LIPK: variants seen among roughly 807,000 people sequenced by gnomAD.
LIPK encodes lipase family member K, also known as lipase member K.
LIPK carries 32 observed loss-of-function variants against 48.6 expected under a neutral mutation model. The observed-to-expected ratio is 0.66, with a 90% CI of 0.50 to 0.88. LIPK has a LOEUF of 0.88. LIPK is among the 40% of genes least tolerant of loss of function. LIPK has a pLI of 0.00. For synonymous variants in LIPK, 164 were observed against 157.4 expected, an observed-to-expected ratio of 1.04 and a Z score of -0.32; for missense variants, 507 against 478.5, an observed-to-expected ratio of 1.06 and a Z score of -0.56.
At chr10:88,729,503 C>T (rs1228239667) in intron 3 of LIPK, among the ~76,000 whole-genome samples, 1 of 152,174 alleles carries the variant, frequency 6.6e-6, no homozygotes, top group East Asian at 1.9e-4. Context: ...TTTGTAAATA[C>T]TCAAGAGAAC....
intron 8 of LIPK, among the ~76,000 whole-genome samples, chr10:88,742,155 C>T (rs1327140711): frequency 1.3e-5 from 2 of 152,120 alleles, no homozygotes; most frequent in African/African-American, 4.8e-5. Flanking sequence ...AGGGGAAGTC[C>T]GCCCCCATGA....
At chr10:88,713,797 C>T (rs1842066391) in intron 1 of LIPK, among the ~76,000 whole-genome samples, 1 of 151,608 alleles carries the variant, frequency 6.6e-6, no homozygotes, top group Non-Finnish European at 1.5e-5. Flanking sequence ...AAAAATTAGC[C>T]AGGCGCAGTG....
intron 4 of LIPK, among the ~76,000 whole-genome samples, chr10:88,731,641 A>G (rs1842470465): frequency 6.6e-6 from 1 of 152,192 alleles, no homozygotes; most frequent in Non-Finnish European, 1.5e-5. Context: ...CTTTCTGGAA[A>G]CCACTGGGAT....
chr10:88,717,604 T>C (rs1172865166), intron 1 of LIPK, among the ~76,000 whole-genome samples: 1 of 152,158 alleles, frequency 6.6e-6, no homozygotes, highest in African/African-American at 2.4e-5. Flanking sequence ...TAATTGTGCA[T>C]TGTGATAGAG....
At chr10:88,733,737 A>T (rs1842514899) in intron 6 of LIPK, among the ~76,000 whole-genome samples, 1 of 152,222 alleles carries the variant, frequency 6.6e-6, no homozygotes, top group South Asian at 2.1e-4. Context: ...TCATTTGCAC[A>T]GCTCTCTTCA....
In LIPK at chr10:88,737,729, G is replaced by A. The variant is rs562671234; in HGVS notation, c.764G>A (p.Cys255Tyr). ...VCNRKLFRRI[C>Y]SNFLFTLSGF... is the part of the protein sequence containing the mutation. ...AATCGAAAGCTATTCCGTCGTATTTGCAGCAACTTCCTATTTACTCTGAGT... is the reference window on the plus strand; with the variant it reads ...AATCGAAAGCTATTCCGTCGTATTTACAGCAACTTCCTATTTACTCTGAGT... Residue 255 changes from cysteine to tyrosine, a missense_variant, in exon 7 of 10, where the codon TGC (cysteine) becomes TAC (tyrosine). Physicochemically the swap from Cys to Tyr is radical, Grantham distance 194. Coordinates refer to ENST00000404190, the MANE Select transcript of LIPK (RefSeq NM_001080518.2). The A allele has an allele frequency of 2.4e-5, 38 of 1,613,750 alleles. No individual in the cohort carries two copies. The highest frequency in any genetic ancestry group is 3.3e-5 in the Admixed American group (2 of 60,000).
intron 1 of LIPK, among the ~76,000 whole-genome samples, chr10:88,712,229 T>C (rs1842039384): frequency 6.6e-6 from 1 of 152,216 alleles, no homozygotes; most frequent in Non-Finnish European, 1.5e-5. Context: ...TTTGTTAGCA[T>C]AGCAAGTGTA....
intron 4 of LIPK, 140 bp downstream of exon 4, chr10:88,731,321 C>G: frequency 1.4e-6 from 1 of 705,630 alleles, no homozygotes; most frequent in East Asian, 3.1e-5. Flanking sequence ...CTTTCTCTAC[C>G]CAAACTTTCT....
chr10:88,715,501 T>C (rs896819374), intron 1 of LIPK, among the ~76,000 whole-genome samples: 2 of 152,138 alleles, frequency 1.3e-5, no homozygotes, highest in African/African-American at 4.8e-5. Context: ...TTATTTCTTT[T>C]ACTTTCAACC....
intron 1 of LIPK, among the ~76,000 whole-genome samples, chr10:88,721,681 G>A (rs1842227782): frequency 1.3e-5 from 2 of 152,072 alleles, no homozygotes; most frequent in African/African-American, 2.4e-5. Flanking sequence ...TTACAACACC[G>A]ACAGGATTAG....
intron 1 of LIPK, among the ~76,000 whole-genome samples, chr10:88,719,323 C>T (rs894592369): frequency 2.0e-5 from 3 of 152,158 alleles, no homozygotes; most frequent in Non-Finnish European, 2.9e-5. Flanking sequence ...AATCACACAA[C>T]TAATAATAAA....
intron 1 of LIPK, among the ~76,000 whole-genome samples, chr10:88,721,104 T>C (rs1008718422): frequency 2.9e-4 from 21 of 71,760 alleles, no homozygotes; most frequent in Admixed American, 7.8e-4. Flanking sequence ...AATATCTTTA[T>C]ATTTCTTAGT....
intron 5 of LIPK, 34 bp downstream of exon 5, chr10:88,732,321 A>G (rs759761146): frequency 6.3e-7 from 1 of 1,597,448 alleles, no homozygotes; most frequent in African/African-American, 1.3e-5. Context: ...AGAGAATGTC[A>G]GGGGCTCTTC....
Position 88,752,689 on chromosome 10 carries a change from G to C in LIPK, c.1133G>C (p.Gly378Ala), listed in dbSNP as rs1199010031. Reference sequence around the variant, plus strand: ...TACAATCATGTGGATTTTTACCTTGGAGAGGATGCACCTCAGGAAATTTAC... The same window carrying C: ...TACAATCATGTGGATTTTTACCTTGCAGAGGATGCACCTCAGGAAATTTAC... ...PHYNHVDFYLGEDAPQEIYQD... is the reference protein window; with the variant it reads ...PHYNHVDFYLAEDAPQEIYQD... Residue 378 changes from glycine (G) to alanine (A), a missense_variant, in exon 10 of 10, where the codon GGA becomes GCA. By Grantham distance (60) the Gly-to-Ala change is moderately conservative (BLOSUM62 0). Coordinates refer to ENST00000404190, the MANE Select transcript of LIPK (RefSeq NM_001080518.2). The C allele has an allele frequency of 1.3e-6, 2 of 1,576,608 alleles. No homozygotes were observed. The highest frequency in any genetic ancestry group is 1.2e-5 in the South Asian group (1 of 86,084).
At chr10:88,746,806 C>T (rs964511012) in intron 9 of LIPK, among the ~76,000 whole-genome samples, 3 of 151,994 alleles carry the variant, frequency 2.0e-5, no homozygotes, top group African/African-American at 7.3e-5. Flanking sequence ...AAGAAACATA[C>T]AAAAGATCAA....
At chr10:88,729,547 T>C (rs2134733760) in intron 3 of LIPK, among the ~76,000 whole-genome samples, 1 of 152,328 alleles carries the variant, frequency 6.6e-6, no homozygotes, top group African/African-American at 2.4e-5. Context: ...TCTTGTCATT[T>C]CTATCACGTA....
At chr10:88,727,010 A>G in intron 3 of LIPK, 98 bp downstream of exon 3, 1 of 715,844 alleles carries the variant, frequency 1.4e-6, no homozygotes, top group Non-Finnish European at 2.4e-6. Context: ...AATTCTTAAC[A>G]GTCCTTTCCA....
intron 9 of LIPK, among the ~76,000 whole-genome samples, chr10:88,751,300 C>A (rs1842858806): frequency 6.6e-6 from 1 of 151,774 alleles, no homozygotes; most frequent in Admixed American, 6.6e-5. Context: ...TGAGCTTAAA[C>A]TGAAAAAGTA....
chr10:88,726,799 A>C lies in LIPK; in HGVS notation c.110A>C (p.Gln37Pro). 6.6e-7 allele frequency: 1 copy of C among 1,511,462 alleles called. No homozygotes were observed. The highest frequency in any genetic ancestry group is 9.2e-7 in the Non-Finnish European group (1 of 1,090,988). 93.6% of individuals were successfully genotyped at this position (1,511,462 alleles called of 1,614,324 possible). The change falls in exon 3 of 10, where the codon CAG becomes CCG. Residue 37 changes from glutamine (Q) to proline (P), a missense_variant. By Grantham distance (76) the Gln-to-Pro change is moderately conservative. Transcript: ENST00000404190. ...ANPEANMNIS[Q>P]IISYWGYPYE... ...TATTTCCTTTCCTCTTTTTAGAGCC[A>C]GATTATTTCTTACTGGGGTTATCCT... is the stretch of plus-strand genomic sequence containing the variant.
Sources: allele counts gnomAD v4.1 joint callset (sites outside exome capture counted in the v4.1 genomes callset), GRCh38; gene constraint gnomAD v4.1.1; transcripts MANE v1.5; gene names NCBI Gene and HGNC (gene_info 2026-07-23, HGNC 2026-07-21).